The following TANGO6 variants were observed in gnomAD, a reference collection of about 807,000 sequenced individuals.
The protein encoded by TANGO6 is transport and Golgi organization protein 6 homolog.
TANGO6 carries 90 observed loss-of-function variants against 114.2 expected under a neutral mutation model. That is an observed-to-expected ratio of 0.79 (90% CI 0.66 to 0.94). The LOEUF (loss-of-function observed/expected upper bound fraction) is 0.94, where lower values mean the gene tolerates loss of function less well. TANGO6 is among the 40% of genes least tolerant of loss of function. TANGO6 has a pLI of 0.00. For synonymous variants in TANGO6, 477 were observed against 509.8 expected, an observed-to-expected ratio of 0.94 and a Z score of 0.87; for missense variants, 1,274 against 1,315.3, an observed-to-expected ratio of 0.97 and a Z score of 0.49.
intron 17 of TANGO6, among the ~76,000 whole-genome samples, chr16:69,051,960 T>C (rs1209519970): frequency 6.7e-6 from 1 of 150,026 alleles, no homozygotes; most frequent in African/African-American, 2.4e-5. Context: ...TTTTTTTTTT[T>C]TTAGACACAG....
intron 17 of TANGO6, among the ~76,000 whole-genome samples, chr16:69,054,232 T>C (rs1433067196): frequency 6.6e-6 from 1 of 152,224 alleles, no homozygotes; most frequent in Admixed American, 6.5e-5. Flanking sequence ...CTCTATCTAA[T>C]GTCTACCTAT....
intron 15 of TANGO6, among the ~76,000 whole-genome samples, chr16:69,015,328 T>C (rs977365338): frequency 1.3e-5 from 2 of 151,954 alleles, no homozygotes; most frequent in Non-Finnish European, 2.9e-5. Flanking sequence ...GAAAACAAGG[T>C]AGCAAGTGAG....
rs1224778999 is a variant in TANGO6, at chr16:69,083,950, T to G, written c.*289T>G. The G allele has an allele frequency of 4.1e-6, 1 of 243,022 alleles. No homozygotes were observed. The highest frequency in any genetic ancestry group is 7.9e-6 in the Non-Finnish European group (1 of 126,556). 15.1% of individuals were successfully genotyped at this position (243,022 alleles called of 1,614,324 possible). On this transcript the variant is annotated 3_prime_UTR_variant, in exon 18 of 18. Transcript: ENST00000261778. ...CATTGAAAGAAGGATGTCTACCTGG[T>G]GAAAGTATATTTTAACATGACTGAT... is the stretch of plus-strand genomic sequence containing the variant.
intron 7 of TANGO6, among the ~76,000 whole-genome samples, chr16:68,893,735 CA>C (rs796546769): frequency 5.5e-4 from 33 of 60,412 alleles, no homozygotes; most frequent in East Asian, 1.3e-3. Context: ...AACTGTGTCT[CA>C]AAAAAAAAAA....
chr16:68,908,854 T>C (rs1488762471), intron 10 of TANGO6, among the ~76,000 whole-genome samples: 46 of 152,174 alleles, frequency 3.0e-4, no homozygotes, highest in Admixed American at 3.0e-3. Context: ...CATTTCTTTG[T>C]GTGTGTGTGT....
intron 3 of TANGO6, among the ~76,000 whole-genome samples, chr16:68,864,174 C>CAA (rs11393218): frequency 1.3e-4 from 18 of 135,324 alleles, no homozygotes; most frequent in East Asian, 4.3e-4. Flanking sequence ...AACTCCGTCT[C>CAA]AAAAAAAAAA....
intron 14 of TANGO6, among the ~76,000 whole-genome samples, chr16:68,969,303 G>A (rs1409278857): frequency 6.6e-5 from 10 of 152,278 alleles, no homozygotes; most frequent in Admixed American, 5.9e-4. Flanking sequence ...GGTTATGGCC[G>A]TGCTTCCACA....
chr16:69,029,200 G>A (rs1227442629), intron 16 of TANGO6, among the ~76,000 whole-genome samples: 1 of 152,188 alleles, frequency 6.6e-6, no homozygotes, highest in African/African-American at 2.4e-5. Context: ...AGCATCATCT[G>A]TCAGGAGACC....
At chr16:69,006,694 T>A (rs1437555948) in intron 15 of TANGO6, among the ~76,000 whole-genome samples, 3 of 152,144 alleles carry the variant, frequency 2.0e-5, no homozygotes, top group Admixed American at 2.0e-4. Context: ...GTGGTTGCAG[T>A]GAACTGAGAT....
intron 16 of TANGO6, among the ~76,000 whole-genome samples, chr16:69,023,277 G>A (rs1310053343): frequency 1.3e-5 from 2 of 152,132 alleles, no homozygotes; most frequent in Admixed American, 6.6e-5. Context: ...TCAACATGGC[G>A]TAACCCTATC....
chr16:68,873,421 G>T (rs1471582269), intron 4 of TANGO6, among the ~76,000 whole-genome samples: 1 of 152,006 alleles, frequency 6.6e-6, no homozygotes, highest in Non-Finnish European at 1.5e-5. Flanking sequence ...TCAAGCGATT[G>T]TCCTGCCTCA....
chr16:68,882,975 G>A (rs1173445402), intron 7 of TANGO6, among the ~76,000 whole-genome samples: 2 of 152,060 alleles, frequency 1.3e-5, no homozygotes, highest in African/African-American at 4.8e-5. Context: ...CCGAGATTGT[G>A]CCACTGTACT....
intron 15 of TANGO6, among the ~76,000 whole-genome samples, chr16:69,001,338 G>A (rs2031785529): frequency 6.6e-6 from 1 of 152,036 alleles, no homozygotes; most frequent in African/African-American, 2.4e-5. Context: ...AAATTTTGAA[G>A]ACATTTTTAT....
chr16:68,971,371 A>G (rs1274094302), intron 14 of TANGO6, among the ~76,000 whole-genome samples: 1 of 152,102 alleles, frequency 6.6e-6, no homozygotes, highest in Non-Finnish European at 1.5e-5. Flanking sequence ...TGTGGGCTCA[A>G]GCAATCCTCC....
intron 17 of TANGO6, among the ~76,000 whole-genome samples, chr16:69,068,672 C>T (rs1039793935): frequency 2.0e-5 from 3 of 152,158 alleles, no homozygotes; most frequent in Non-Finnish European, 4.4e-5. Flanking sequence ...ACCATCACTT[C>T]TTTAGCACCC....
intron 17 of TANGO6, among the ~76,000 whole-genome samples, chr16:69,072,122 C>CGTGTGTGTGTGTGT (rs10687062): frequency 2.0e-4 from 23 of 116,682 alleles, no homozygotes; most frequent in African/African-American, 6.7e-4. Flanking sequence ...AGAGGGAGAC[C>CGTGTGTGTGTGTGT]GTGTGTGTGT....
Position 68,878,118 on chromosome 16 carries a change from G to T in TANGO6, c.1132G>T (p.Val378Phe), listed in dbSNP as rs201648074. The part of the protein sequence containing the change: ...ENYYRDICPQ[V>F]LDLFHFQDKL... ...TTTACTTCTTGTAGTTTTTTTGTAG[G>T]TTCTGGATTTATTTCACTTTCAAGA... Residue 378 changes from valine to phenylalanine, a missense_variant and splice_region_variant, in exon 6 of 18, where the codon GTT becomes TTT. Transcript: ENST00000261778. 21 of 1,606,404 alleles carry T rather than the reference G, an allele frequency of 1.3e-5. No homozygotes were observed. The highest frequency in any genetic ancestry group is 2.7e-5 in the African/African-American group (2 of 74,510).
chr16:69,040,179 G>A, intron 16 of TANGO6, 129 bp from the exon 17 acceptor site: 1 of 731,224 alleles, frequency 1.4e-6, no homozygotes, highest in East Asian at 2.7e-5. Flanking sequence ...TGAGGATTAA[G>A]CAACTATCCA....
chr16:68,983,118 G>A (rs1002277940), intron 15 of TANGO6, among the ~76,000 whole-genome samples: 1 of 151,852 alleles, frequency 6.6e-6, no homozygotes, highest in Admixed American at 6.6e-5. Context: ...TCAAAGTACT[G>A]GAACTACAGG....
Sources: gnomAD v4.1 joint callset for allele counts (sites outside exome capture counted in the v4.1 genomes callset) on GRCh38, gnomAD v4.1.1 for gene constraint, MANE v1.5 for transcripts, NCBI Gene and HGNC (gene_info 2026-07-23, HGNC 2026-07-21) for gene names.